AUTS2: variants seen among roughly 807,000 people sequenced by gnomAD.
AUTS2 encodes activator of transcription and developmental regulator AUTS2.
A neutral mutation model predicts 112.4 loss-of-function variants in AUTS2; 17 were observed. The ratio of observed to expected loss-of-function variants is 0.15; its 90% confidence interval spans 0.10 to 0.23. The LOEUF (loss-of-function observed/expected upper bound fraction) is 0.23, where lower values mean the gene tolerates loss of function less well. AUTS2 is among the 10% of genes least tolerant of loss of function. The pLI is 1.00. For synonymous variants in AUTS2, 751 were observed against 702.7 expected, an observed-to-expected ratio of 1.07 and a Z score of -1.09; for missense variants, 1,510 against 1,701.6, an observed-to-expected ratio of 0.89 and a Z score of 1.98.
chr7:70,687,685 T>C (rs898455020), intron 5 of AUTS2, among the ~76,000 whole-genome samples: 1 of 152,116 alleles, frequency 6.6e-6, no homozygotes, highest in African/African-American at 2.4e-5. Context: ...TGGCAGAGGT[T>C]TTTACTTTAC....
intron 4 of AUTS2, among the ~76,000 whole-genome samples, chr7:70,239,757 G>A (rs1812512143): frequency 6.6e-6 from 1 of 152,160 alleles, no homozygotes; most frequent in Non-Finnish European, 1.5e-5. Flanking sequence ...TTTTTAAGGA[G>A]AGGTGGTAAG....
intron 5 of AUTS2, among the ~76,000 whole-genome samples, chr7:70,527,971 A>C (rs1319093622): frequency 6.6e-6 from 1 of 152,168 alleles, no homozygotes; most frequent in Admixed American, 6.6e-5. Context: ...GAGGAATTAG[A>C]GCCACTCCTA....
chr7:70,476,631 T>C (rs1562978842), intron 5 of AUTS2, among the ~76,000 whole-genome samples: 1 of 152,238 alleles, frequency 6.6e-6, no homozygotes, highest in Non-Finnish European at 1.5e-5. Context: ...TATCCATGTG[T>C]ATTACGGTGG....
Position 70,435,791 on chromosome 7 carries a change from C to G in AUTS2, c.690+10C>G. 3.1e-6 allele frequency: 5 copies of G among 1,613,696 alleles called. No individual in the cohort carries two copies. In the South Asian group the frequency reaches 4.4e-5, roughly 14 times the overall value. On this transcript the variant is annotated intron_variant, in intron 5 of 18. Coordinates refer to ENST00000342771, the MANE Select transcript of AUTS2 (RefSeq NM_015570.4). ...TGACCAGGAAGAGAAGGTAAGACCCCCCCTCCCCCATTGTGGGCACAGCAC... is the reference window on the plus strand; with the variant it reads ...TGACCAGGAAGAGAAGGTAAGACCCGCCCTCCCCCATTGTGGGCACAGCAC...
intron 4 of AUTS2, among the ~76,000 whole-genome samples, chr7:70,381,186 A>G (rs1363743088): frequency 1.3e-5 from 2 of 152,256 alleles, no homozygotes; most frequent in Admixed American, 6.5e-5. Flanking sequence ...ATTACTGATT[A>G]TATAGCTATT....
chr7:70,387,313 T>G (rs1382701709), intron 4 of AUTS2, among the ~76,000 whole-genome samples: 3 of 152,158 alleles, frequency 2.0e-5, no homozygotes, highest in African/African-American at 4.8e-5. Flanking sequence ...CTGACCCCAT[T>G]CCCTGAGACC....
intron 2 of AUTS2, among the ~76,000 whole-genome samples, chr7:70,022,603 G>A (rs946815240): frequency 6.6e-6 from 1 of 152,130 alleles, no homozygotes; most frequent in Non-Finnish European, 1.5e-5. Context: ...TTACAGACAT[G>A]AGCCACTGCA....
intron 4 of AUTS2, among the ~76,000 whole-genome samples, chr7:70,238,775 A>G (rs760906928): frequency 2.3e-4 from 35 of 151,774 alleles, no homozygotes; most frequent in Non-Finnish European, 4.1e-4. Flanking sequence ...CACCTTATTT[A>G]TATTACTTCT....
rs1484208011 is a variant in AUTS2 at position 70,734,789 on chromosome 7, A to G, written c.743-28081A>G. On this transcript the variant is annotated intron_variant, in intron 6 of 18. Coordinates refer to ENST00000342771, the MANE Select transcript of AUTS2 (RefSeq NM_015570.4). ...CCTTTGTAAGATTCTTAAACTGTTT[A>G]TCATTATCCCTGCCTTTTTTAAAAA... Among the ~76,000 whole-genome samples, 5 of 152,168 alleles carry G rather than the reference A, an allele frequency of 3.3e-5. No individual in the cohort carries two copies. In the South Asian group the frequency reaches 6.2e-4, roughly 19 times the overall value.
intron 2 of AUTS2, among the ~76,000 whole-genome samples, chr7:70,090,316 ATTGATAT>A (rs1261970726): frequency 1.3e-4 from 19 of 151,946 alleles, no homozygotes; most frequent in Admixed American, 2.6e-4. Context: ...CTATATTGTT[ATTGATAT>A]TTAATTAGTT....
intron 1 of AUTS2, among the ~76,000 whole-genome samples, chr7:69,603,539 C>T (rs1259533743): frequency 6.6e-6 from 1 of 152,116 alleles, no homozygotes; most frequent in African/African-American, 2.4e-5. Flanking sequence ...GGCAGTGAAA[C>T]TGGCTGAAAC....
At chr7:69,953,876 A>G (rs1797119553) in intron 2 of AUTS2, among the ~76,000 whole-genome samples, 1 of 152,038 alleles carries the variant, frequency 6.6e-6, no homozygotes, top group South Asian at 2.1e-4. Context: ...CTGAGTTCCT[A>G]CTTTAGAGTC....
intron 14 of AUTS2, among the ~76,000 whole-genome samples, chr7:70,779,865 C>A (rs60555674): frequency 6.6e-6 from 1 of 151,966 alleles, no homozygotes; most frequent in South Asian, 2.1e-4. Context: ...GAGAGAGAGA[C>A]CTGTCTCTAC....
At chr7:69,995,386 C>T (rs1202941777) in intron 2 of AUTS2, among the ~76,000 whole-genome samples, 1 of 152,108 alleles carries the variant, frequency 6.6e-6, no homozygotes, top group East Asian at 1.9e-4. Context: ...TAATGCTTTA[C>T]TACACTCTAA....
At chr7:70,242,720 C>A (rs1812686501) in intron 4 of AUTS2, among the ~76,000 whole-genome samples, 1 of 152,114 alleles carries the variant, frequency 6.6e-6, no homozygotes, top group South Asian at 2.1e-4. Context: ...CTCAAATAGT[C>A]CACTGTGTGT....
chr7:70,366,726 A>T (rs1792587703), intron 4 of AUTS2, among the ~76,000 whole-genome samples: 1 of 152,170 alleles, frequency 6.6e-6, no homozygotes, highest in Non-Finnish European at 1.5e-5. Flanking sequence ...TTTAGAGGTG[A>T]TAGTGGATAG....
At chr7:70,729,544 C>G (rs568306726) in intron 6 of AUTS2, among the ~76,000 whole-genome samples, 2 of 152,322 alleles carry the variant, frequency 1.3e-5, no homozygotes, top group South Asian at 4.1e-4. Flanking sequence ...TGAGATCCTT[C>G]AGGGTAGGAC....
chr7:69,737,578 A>G (rs978050146), intron 1 of AUTS2, among the ~76,000 whole-genome samples: 7 of 152,078 alleles, frequency 4.6e-5, no homozygotes, highest in African/African-American at 1.4e-4. Context: ...GCAAAAGTAG[A>G]TGACAGTAAC....
At chr7:69,999,297 A>T (rs1008040663) in intron 2 of AUTS2, among the ~76,000 whole-genome samples, 1 of 152,104 alleles carries the variant, frequency 6.6e-6, no homozygotes, top group Admixed American at 6.6e-5. Context: ...GAAGGCATGG[A>T]TTGTAGGCCT....
Sources: allele counts gnomAD v4.1 joint callset (sites outside exome capture counted in the v4.1 genomes callset), GRCh38; gene constraint gnomAD v4.1.1; transcripts MANE v1.5; gene names NCBI Gene and HGNC (gene_info 2026-07-23, HGNC 2026-07-21).